Variants in CSMD3 observed in about 807,000 individuals in gnomAD.
CSMD3 encodes the protein CUB and Sushi multiple domains 3, also known as CUB and sushi domain-containing protein 3.
Under a neutral mutation model 435.2 loss-of-function variants are expected in CSMD3, and 177 were observed. The observed-to-expected ratio is 0.41, with a 90% CI of 0.36 to 0.46. CSMD3 has a LOEUF of 0.46. Among genes scored for constraint, CSMD3 ranks in the 20% least tolerant of loss-of-function variants. The pLI is 0.34. For missense variants in CSMD3, 4,265 were observed against 4,504.6 expected (o/e 0.95, Z 1.52); for synonymous variants, 1,656 against 1,520.5 (o/e 1.09, Z -2.07).
chr8:113,375,431 T>G (rs66746527), intron 1 of CSMD3, among the ~76,000 whole-genome samples: 1 of 151,914 alleles, frequency 6.6e-6, no homozygotes, highest in African/African-American at 2.4e-5. Context: ...ATTTCTCCCC[T>G]TTCCACTGAA....
At chr8:112,951,652 T>C (rs1208263580) in intron 8 of CSMD3, among the ~76,000 whole-genome samples, 2 of 151,826 alleles carry the variant, frequency 1.3e-5, no homozygotes, top group Non-Finnish European at 2.9e-5. Context: ...CCCTATAAAA[T>C]ATTGAATCCT....
intron 10 of CSMD3, among the ~76,000 whole-genome samples, chr8:112,918,168 C>A (rs145376420): frequency 6.6e-6 from 1 of 151,660 alleles, no homozygotes; most frequent in Non-Finnish European, 1.5e-5. Context: ...ATCTAGAATA[C>A]CTACTCATGT....
intron 1 of CSMD3, among the ~76,000 whole-genome samples, chr8:113,324,632 G>A (rs2093971286): frequency 6.6e-6 from 1 of 152,152 alleles, no homozygotes; most frequent in South Asian, 2.1e-4. Flanking sequence ...CCTCTGTTAG[G>A]GTAGTGCGGA....
At position 112,752,913 on chromosome 8, in the gene CSMD3, G is replaced by A. The variant is rs904969655; in HGVS notation, c.1972+47249C>T. ...TATTTGTTACCGCGTGTGTGTGTGT[G>A]TGTGTGTGTGTGTGTGTGTGTGTGT... On this transcript the variant is annotated intron_variant, in intron 13 of 70. Coordinates refer to ENST00000297405, the MANE Select transcript of CSMD3 (RefSeq NM_198123.2). Among the ~76,000 whole-genome samples, 8 of 71,612 alleles carry A rather than the reference G, an allele frequency of 1.1e-4. No homozygotes were observed. In the East Asian group the frequency reaches 3.8e-3, roughly 34 times the overall value. The allele number at this position is 71,612 out of a possible 152,430, so 47.0% of individuals were successfully genotyped here. A position where few individuals can be genotyped will look rare whatever the true frequency, so the allele number is the denominator to read the frequency against.
intron 9 of CSMD3, among the ~76,000 whole-genome samples, chr8:112,939,853 C>T (rs1270649582): frequency 6.6e-6 from 1 of 151,840 alleles, no homozygotes; most frequent in African/African-American, 2.4e-5. Context: ...AATGGCTACA[C>T]TCAAGGAAAC....
intron 4 of CSMD3, among the ~76,000 whole-genome samples, chr8:113,169,858 G>A (rs1021995085): frequency 9.2e-5 from 14 of 152,234 alleles, no homozygotes; most frequent in South Asian, 2.1e-4. Flanking sequence ...AAGACTTGGC[G>A]CATAGGAATT....
At chr8:113,005,546 TGA>T in intron 6 of CSMD3, among the ~76,000 whole-genome samples, 1 of 152,090 alleles carries the variant, frequency 6.6e-6, no homozygotes, top group South Asian at 2.1e-4. Flanking sequence ...AAGTAATTTT[TGA>T]GAGTCACTGA....
At chr8:113,153,242 A>G (rs944434899) in intron 4 of CSMD3, among the ~76,000 whole-genome samples, 1 of 151,350 alleles carries the variant, frequency 6.6e-6, no homozygotes, top group African/African-American at 2.4e-5. Context: ...AGAAAGAAAG[A>G]AGAGAGAAAG....
At chr8:113,097,655 GT>G (rs370243898) in intron 5 of CSMD3, among the ~76,000 whole-genome samples, 315 of 152,032 alleles carry the variant, frequency 2.1e-3, no homozygotes, top group East Asian at 0.012. Flanking sequence ...AAGAAATATA[GT>G]TGTCTAGTAG....
chr8:112,593,815 T>G (rs1324571628), intron 22 of CSMD3, among the ~76,000 whole-genome samples: 1 of 152,130 alleles, frequency 6.6e-6, no homozygotes, highest in Non-Finnish European at 1.5e-5. Flanking sequence ...AGTACATTGA[T>G]TTGGGCAATT....
intron 5 of CSMD3, among the ~76,000 whole-genome samples, chr8:113,036,330 T>C (rs1213649921): frequency 6.6e-6 from 1 of 152,048 alleles, no homozygotes; most frequent in Non-Finnish European, 1.5e-5. Context: ...AAGCACAATA[T>C]ATGAATACTT....
At chr8:113,294,858 T>C (rs1212436678) in intron 2 of CSMD3, among the ~76,000 whole-genome samples, 2 of 152,050 alleles carry the variant, frequency 1.3e-5, no homozygotes, top group African/African-American at 4.8e-5. Context: ...ACATCATAAA[T>C]AGTAATGCGG....
chr8:112,292,426 T>C, intron 55 of CSMD3, 111 bp downstream of exon 55: 3 of 1,011,714 alleles, frequency 3.0e-6, no homozygotes, highest in East Asian at 2.4e-5. Context: ...CTTTTTGTTT[T>C]ATTAGATAAA....
chr8:112,571,074 C>T (rs963285505), intron 24 of CSMD3, among the ~76,000 whole-genome samples: 7 of 152,150 alleles, frequency 4.6e-5, no homozygotes, highest in African/African-American at 1.7e-4. Flanking sequence ...ATGGCGCAAT[C>T]TTGGCTCACT....
At chr8:113,186,579 G>C (rs570719642) in intron 3 of CSMD3, among the ~76,000 whole-genome samples, 53 of 152,102 alleles carry the variant, frequency 3.5e-4, no homozygotes, top group African/African-American at 1.3e-3. Flanking sequence ...TTGTGGAAAA[G>C]AGGCTCCCTG....
intron 18 of CSMD3, among the ~76,000 whole-genome samples, chr8:112,654,320 A>C (rs1379564617): frequency 6.6e-6 from 1 of 152,210 alleles, no homozygotes; most frequent in Non-Finnish European, 1.5e-5. Flanking sequence ...TGGTTTCTTG[A>C]TAAGAAAGGA....
intron 22 of CSMD3, among the ~76,000 whole-genome samples, chr8:112,617,702 T>A (rs1360322023): frequency 3.3e-5 from 5 of 152,144 alleles, no homozygotes; most frequent in Non-Finnish European, 5.9e-5. Context: ...TTACCAGTCA[T>A]TGCCCAGTTG....
At chr8:113,338,424 C>T (rs1338243573) in intron 1 of CSMD3, among the ~76,000 whole-genome samples, 1 of 151,928 alleles carries the variant, frequency 6.6e-6, no homozygotes, top group Non-Finnish European at 1.5e-5. Flanking sequence ...CCATACTCTA[C>T]TTGCATACGA....
intron 5 of CSMD3, among the ~76,000 whole-genome samples, chr8:113,070,707 G>T (rs750922540): frequency 6.6e-6 from 1 of 151,974 alleles, no homozygotes; most frequent in African/African-American, 2.4e-5. Flanking sequence ...TGCTGTATTT[G>T]TCTTTCTGTG....
Sources: allele counts gnomAD v4.1 joint callset (sites outside exome capture counted in the v4.1 genomes callset), GRCh38; gene constraint gnomAD v4.1.1; transcripts MANE v1.5; gene names NCBI Gene and HGNC (gene_info 2026-07-23, HGNC 2026-07-21).